Variants in IPPK observed in about 807,000 individuals in gnomAD.
IPPK encodes the protein inositol-pentakisphosphate 2-kinase, also known as IPK1 homolog.
A neutral mutation model predicts 64.6 loss-of-function variants in IPPK; 22 were observed. The observed-to-expected ratio is 0.34, with a 90% CI of 0.24 to 0.49. IPPK has a LOEUF of 0.49. Ranked by LOEUF, IPPK falls within the 20% of genes least tolerant of loss-of-function variation. IPPK has a pLI of 0.99. For missense variants in IPPK, 532 were observed against 630.7 expected, an observed-to-expected ratio of 0.84 and a Z score of 1.68; for synonymous variants, 262 against 247.2, an observed-to-expected ratio of 1.06 and a Z score of -0.56.
At chr9:92,662,480 A>C (rs923814907) in intron 1 of IPPK, among the ~76,000 whole-genome samples, 2 of 151,918 alleles carry the variant, frequency 1.3e-5, no homozygotes, top group Non-Finnish European at 2.9e-5. Flanking sequence ...CCGAGATTGT[A>C]CCATTGCACT....
chr9:92,624,038 A>G (rs1851690647), intron 11 of IPPK, among the ~76,000 whole-genome samples: 1 of 152,244 alleles, frequency 6.6e-6, no homozygotes, highest in African/African-American at 2.4e-5. Flanking sequence ...GAAGCCAAAC[A>G]ATGTATAACA....
chr9:92,628,977 G>A (rs1008207877), intron 11 of IPPK, among the ~76,000 whole-genome samples: 1 of 152,138 alleles, frequency 6.6e-6, no homozygotes, highest in East Asian at 1.9e-4. Context: ...TATAGTCCCA[G>A]CTACAGGGGA....
chr9:92,662,132 C>T (rs747778904), intron 1 of IPPK, among the ~76,000 whole-genome samples: 3 of 152,216 alleles, frequency 2.0e-5, no homozygotes, highest in Non-Finnish European at 4.4e-5. Context: ...AGGTCTTAAC[C>T]AGCTATGGAG....
In IPPK at chr9:92,613,721, C is replaced by G. The variant is rs1486075811; in HGVS notation, c.*2111G>C. On this transcript the variant is annotated 3_prime_UTR_variant, in exon 13 of 13. Transcript: ENST00000287996. ...GAAAGTGAAGCTGTCAGCTTAATAA[C>G]AAGAATGGCCTAAGACAGCAAAGAC... 6.3e-6 allele frequency: 1 copy of G among 157,542 alleles called. No individual in the cohort carries two copies. The allele number at this position is 157,542 out of a possible 1,614,324, so 9.8% of individuals were successfully genotyped here.
At chr9:92,624,797 T>C (rs1403118608) in intron 11 of IPPK, among the ~76,000 whole-genome samples, 2 of 151,968 alleles carry the variant, frequency 1.3e-5, no homozygotes, top group African/African-American at 2.4e-5. Context: ...TTACTATATA[T>C]CCATTCATGG....
chr9:92,636,567 G>A lies in IPPK; in HGVS notation c.917-1259C>T, dbSNP rs143049924. Among the ~76,000 whole-genome samples, 140 of 152,252 alleles carry A rather than the reference G, an allele frequency of 9.2e-4. 4 individuals carry two copies. The East Asian group carries it at 0.024, about 26-fold the overall frequency. ...GAGGCAGGAAGATCACTTGAGCCCTGGAGGTGGAGGTTGCAGTGAGCCAAG... is the reference window on the plus strand; with the variant it reads ...GAGGCAGGAAGATCACTTGAGCCCTAGAGGTGGAGGTTGCAGTGAGCCAAG... On this transcript the variant is annotated intron_variant, in intron 9 of 12. Coordinates refer to ENST00000287996, the MANE Select transcript of IPPK (RefSeq NM_022755.6).
At chr9:92,652,516 C>G (rs1163980969) in intron 4 of IPPK, 57 bp downstream of exon 4, 9 of 836,744 alleles carry the variant, frequency 1.1e-5, no homozygotes, top group Non-Finnish European at 1.7e-5. Context: ...ATTTCAAACA[C>G]TTTTCAAATG....
intron 11 of IPPK, among the ~76,000 whole-genome samples, chr9:92,625,604 A>C (rs1197817290): frequency 6.6e-6 from 1 of 152,186 alleles, no homozygotes; most frequent in Non-Finnish European, 1.5e-5. Context: ...AAGGTAAGGA[A>C]AATCCCTAAC....
intron 2 of IPPK, among the ~76,000 whole-genome samples, chr9:92,657,483 C>T (rs1852396965): frequency 6.6e-6 from 1 of 152,204 alleles, no homozygotes. Flanking sequence ...ACTGCCCCGG[C>T]CACTCCACAC....
intron 11 of IPPK, 174 bp from the exon 12 acceptor site, chr9:92,619,739 C>T: frequency 1.6e-6 from 1 of 630,186 alleles, no homozygotes; most frequent in Non-Finnish European, 2.9e-6. Flanking sequence ...CCTGTGAGAG[C>T]ACCTGGGCCA....
intron 1 of IPPK, among the ~76,000 whole-genome samples, chr9:92,662,070 G>A (rs1852496084): frequency 6.6e-6 from 1 of 152,196 alleles, no homozygotes; most frequent in Admixed American, 6.5e-5. Flanking sequence ...TCACATGAAG[G>A]AGTGAGCAAG....
At chr9:92,628,373 G>C (rs1237613504) in intron 11 of IPPK, among the ~76,000 whole-genome samples, 3 of 152,110 alleles carry the variant, frequency 2.0e-5, no homozygotes, top group African/African-American at 7.2e-5. Context: ...CAACAATCTT[G>C]AAAACAAAGA....
chr9:92,643,577 A>C (rs1269538090), intron 6 of IPPK, among the ~76,000 whole-genome samples: 1 of 149,098 alleles, frequency 6.7e-6, no homozygotes, highest in Non-Finnish European at 1.5e-5. Context: ...ATACAGTGTA[A>C]TGTCAATTTT....
chr9:92,648,336 C>A lies in IPPK; in HGVS notation c.415-188G>T, dbSNP rs568344869. Reference sequence around the variant, plus strand: ...CTGCATCAGATCACACAAACATCTCCGCTAGAGGACCCACGGCCGGAACTC... The same window carrying A: ...CTGCATCAGATCACACAAACATCTCAGCTAGAGGACCCACGGCCGGAACTC... On this transcript the variant is annotated intron_variant, in intron 5 of 12. Coordinates refer to ENST00000287996, the MANE Select transcript of IPPK (RefSeq NM_022755.6). 3.9e-5 allele frequency among the ~76,000 whole-genome samples: 6 copies of A among 152,330 alleles called. No individual in the cohort carries two copies. The East Asian group carries it at 1.2e-3, about 29-fold the overall frequency.
intron 2 of IPPK, among the ~76,000 whole-genome samples, 168 bp from the exon 3 acceptor site, chr9:92,656,719 G>A (rs562269943): frequency 3.3e-4 from 50 of 152,222 alleles, no homozygotes; most frequent in African/African-American, 1.2e-3. Flanking sequence ...GGTCCCCAGT[G>A]CCCTTCCTCA....
intron 1 of IPPK, among the ~76,000 whole-genome samples, chr9:92,660,966 T>G (rs1475901161): frequency 6.6e-6 from 1 of 152,232 alleles, no homozygotes; most frequent in Non-Finnish European, 1.5e-5. Context: ...GAAAAAGATG[T>G]CAGAGCCTAA....
At chr9:92,619,408 C>T in intron 12 of IPPK, 78 bp downstream of exon 12, 1 of 1,187,482 alleles carries the variant, frequency 8.4e-7, no homozygotes, top group Non-Finnish European at 1.2e-6. Context: ...GGGAAACCAA[C>T]TATCCTATTA....
At chr9:92,662,510 C>T (rs989306712) in intron 1 of IPPK, among the ~76,000 whole-genome samples, 24 of 150,350 alleles carry the variant, frequency 1.6e-4, no homozygotes, top group African/African-American at 5.6e-4. Flanking sequence ...GCAACAAGAG[C>T]GAAACTCCGT....
At chr9:92,625,951 T>G (rs1386181012) in intron 11 of IPPK, among the ~76,000 whole-genome samples, 1 of 152,026 alleles carries the variant, frequency 6.6e-6, no homozygotes, top group African/African-American at 2.4e-5. Context: ...AAGGTTTTAT[T>G]GTATCTGATA....
Sources: allele counts gnomAD v4.1 joint callset (sites outside exome capture counted in the v4.1 genomes callset), GRCh38; gene constraint gnomAD v4.1.1; transcripts MANE v1.5; gene names NCBI Gene and HGNC (gene_info 2026-07-23, HGNC 2026-07-21).